The following TMEM132B variants were observed in gnomAD, a reference collection of about 807,000 sequenced individuals.
TMEM132B encodes the protein transmembrane protein 132B.
Under a neutral mutation model 90.8 loss-of-function variants are expected in TMEM132B, and 18 were observed. The observed-to-expected ratio is 0.20, with a 90% CI of 0.14 to 0.29. The LOEUF (loss-of-function observed/expected upper bound fraction) is 0.29. Ranked by LOEUF, TMEM132B falls within the 10% of genes least tolerant of loss-of-function variation. The probability of loss-of-function intolerance (pLI) is 1.00; values close to 1 mark genes in which losing one functional copy is unlikely to be tolerated. For missense variants in TMEM132B, 1,096 were observed against 1,326.8 expected (o/e 0.83, Z 2.70); for synonymous variants, 504 against 523.3 (o/e 0.96, Z 0.50).
intron 1 of TMEM132B, among the ~76,000 whole-genome samples, chr12:125,272,398 C>G (rs572128838): frequency 1.2e-3 from 184 of 152,254 alleles, no homozygotes; most frequent in Middle Eastern, 3.4e-3. Context: ...TGTCCCCCAG[C>G]GGGTGGGAAA....
At chr12:125,444,878 C>A (rs980393858) in intron 3 of TMEM132B, among the ~76,000 whole-genome samples, 1 of 145,074 alleles carries the variant, frequency 6.9e-6, no homozygotes. Context: ...AGAAATTCTA[C>A]TTGTAGAATG....
intron 3 of TMEM132B, among the ~76,000 whole-genome samples, chr12:125,509,825 C>A (rs776721158): frequency 6.7e-6 from 1 of 150,264 alleles, no homozygotes; most frequent in African/African-American, 2.4e-5. Context: ...AAGGTTCAGT[C>A]CTGCATCCTC....
At chr12:125,331,621 G>A (rs890082418) in intron 1 of TMEM132B, among the ~76,000 whole-genome samples, 7 of 152,332 alleles carry the variant, frequency 4.6e-5, no homozygotes, top group African/African-American at 1.4e-4. Flanking sequence ...ACCCGGCAGA[G>A]CAGGGGTTAA....
chr12:125,226,014 C>T (rs189074670), intron 1 of TMEM132B, among the ~76,000 whole-genome samples: 1 of 152,302 alleles, frequency 6.6e-6, no homozygotes, highest in East Asian at 1.9e-4. Context: ...CCATTTTACC[C>T]TCTGATGGAC....
At position 125,408,310 on chromosome 12, in the gene TMEM132B, G is replaced by C. The variant is rs186118145; in HGVS notation, c.960-7221G>C. On this transcript the variant is annotated intron_variant, in intron 2 of 8. Coordinates refer to ENST00000682704, the MANE Select transcript of TMEM132B (RefSeq NM_001366854.1). The surrounding 1 kb of genome is among the most constrained non-coding windows in gnomAD (Gnocchi z 5.9). Reference sequence around the variant, plus strand: ...GAACGTCTGTATCCCCCACAAATTCGCATGTTGAAATTCTTATCCCCAAGG... The same window carrying C: ...GAACGTCTGTATCCCCCACAAATTCCCATGTTGAAATTCTTATCCCCAAGG... Among the ~76,000 whole-genome samples, 2 of 152,136 alleles carry C rather than the reference G, an allele frequency of 1.3e-5. No homozygotes were observed. Among genetic ancestry groups the C allele is most frequent in the African/African-American group, 4.8e-5 (2 of 41,420 alleles).
intron 3 of TMEM132B, among the ~76,000 whole-genome samples, chr12:125,432,533 A>AG (rs1880565821): frequency 1.1e-5 from 1 of 87,142 alleles, no homozygotes; most frequent in Non-Finnish European, 2.3e-5. Flanking sequence ...ATATATAGAG[A>AG]GAGAGAGAGA....
chr12:125,357,179 A>G (rs1189196490), intron 2 of TMEM132B, among the ~76,000 whole-genome samples: 1 of 152,262 alleles, frequency 6.6e-6, no homozygotes, highest in Non-Finnish European at 1.5e-5. Context: ...GTATGAATTC[A>G]TGATATAAAT....
rs187740516 is a variant in TMEM132B at position 125,601,068 on chromosome 12, A to G, written c.1437+17074A>G. Among the ~76,000 whole-genome samples the G allele has an allele frequency of 1.2e-3, 183 of 152,328 alleles. 1 individual carries two copies. The highest frequency in any genetic ancestry group is 4.2e-3 in the African/African-American group (173 of 41,574). On this transcript the variant is annotated intron_variant, in intron 5 of 8. Coordinates refer to ENST00000682704, the MANE Select transcript of TMEM132B (RefSeq NM_001366854.1). Reference sequence around the variant, plus strand: ...TAATAAACAGATCAACGAGACAGAAAGTTAAAAAGGATATGCAGGACTTGA... The same window carrying G: ...TAATAAACAGATCAACGAGACAGAAGGTTAAAAAGGATATGCAGGACTTGA...
At chr12:125,528,085 C>A (rs560620095) in intron 4 of TMEM132B, among the ~76,000 whole-genome samples, 2 of 152,012 alleles carry the variant, frequency 1.3e-5, no homozygotes, top group East Asian at 3.9e-4. Context: ...ACATCTGTAT[C>A]GTCTTTTTGC....
chr12:125,403,544 C>T (rs898170932), intron 2 of TMEM132B, among the ~76,000 whole-genome samples: 3 of 152,284 alleles, frequency 2.0e-5, no homozygotes, highest in African/African-American at 4.8e-5. Context: ...AGATATTTCT[C>T]TAAAACAAAC....
At chr12:125,379,264 TC>T (rs906154380) in intron 2 of TMEM132B, among the ~76,000 whole-genome samples, 2 of 152,164 alleles carry the variant, frequency 1.3e-5, no homozygotes, top group African/African-American at 4.8e-5. Flanking sequence ...AAGGAGGGTA[TC>T]CTGGGTTATC....
rs772155052 is a variant in TMEM132B, at chr12:125,340,247, G to A, written c.68-9205G>A. ...TTAGAGAATAGCGAAAAATGTGTGC[G>A]CACCCTGACACAAAGCATTCGAATT... On this transcript the variant is annotated intron_variant, in intron 1 of 8. Coordinates refer to ENST00000682704, the MANE Select transcript of TMEM132B (RefSeq NM_001366854.1). 5.3e-5 allele frequency among the ~76,000 whole-genome samples: 8 copies of A among 152,100 alleles called. No individual in the cohort carries two copies. The South Asian group carries it at 8.3e-4, about 16-fold the overall frequency.
At chr12:125,617,368 G>A (rs1168244674) in intron 5 of TMEM132B, among the ~76,000 whole-genome samples, 4 of 142,590 alleles carry the variant, frequency 2.8e-5, no homozygotes, top group Non-Finnish European at 6.0e-5. Flanking sequence ...TTTTTGAGAC[G>A]GAATTTCACT....
At chr12:125,307,531 C>G (rs936702560) in intron 1 of TMEM132B, among the ~76,000 whole-genome samples, 2 of 151,936 alleles carry the variant, frequency 1.3e-5, no homozygotes, top group Admixed American at 1.3e-4. Flanking sequence ...GCACTTAGAA[C>G]AGTGCAAATC....
intron 3 of TMEM132B, among the ~76,000 whole-genome samples, chr12:125,422,820 C>T (rs903291282): frequency 5.3e-5 from 8 of 152,168 alleles, no homozygotes; most frequent in African/African-American, 1.2e-4. Context: ...CTGGAGCCCT[C>T]GGCAGGAGCA....
chr12:125,294,684 A>G (rs1171171287), intron 1 of TMEM132B, among the ~76,000 whole-genome samples: 4 of 152,212 alleles, frequency 2.6e-5, no homozygotes, highest in Non-Finnish European at 4.4e-5. Flanking sequence ...AAGCTTAGAA[A>G]GCTTGTCACT....
intron 1 of TMEM132B, among the ~76,000 whole-genome samples, chr12:125,239,784 C>T (rs1051112059): frequency 7.2e-5 from 11 of 152,206 alleles, no homozygotes; most frequent in Non-Finnish European, 1.2e-4. Context: ...ATGGTGTTAC[C>T]GAGGCCCCAC....
In TMEM132B at chr12:125,213,647, C is replaced by T. The variant is rs1873371700; in HGVS notation, c.67+26781C>T. 6.6e-6 allele frequency among the ~76,000 whole-genome samples: 1 copy of T among 152,230 alleles called. No homozygotes were observed. Among genetic ancestry groups the T allele is most frequent in the Admixed American group, 6.5e-5 (1 of 15,288 alleles). On this transcript the variant is annotated intron_variant, in intron 1 of 8. Transcript: ENST00000682704. The surrounding 1 kb of genome is among the most constrained non-coding windows in gnomAD (Gnocchi z 4.2). ...ATTACTGTGTGATTTTTCTGTCTAG[C>T]ACTTATCACTATCTGAATGAGTCTC...
At chr12:125,475,611 G>A (rs762725689) in intron 3 of TMEM132B, among the ~76,000 whole-genome samples, 4 of 152,190 alleles carry the variant, frequency 2.6e-5, no homozygotes, top group Non-Finnish European at 5.9e-5. Context: ...CTCCCGTGCT[G>A]GATGTTTCCT....
Sources: allele counts gnomAD v4.1 joint callset (sites outside exome capture counted in the v4.1 genomes callset), GRCh38; gene constraint gnomAD v4.1.1; non-coding constraint Gnocchi (gnomAD v3.1); transcripts MANE v1.5; gene names NCBI Gene and HGNC (gene_info 2026-07-23, HGNC 2026-07-21).